The following FAT3 variants were observed in gnomAD, a reference collection of about 807,000 sequenced individuals.
FAT3 encodes the protein FAT atypical cadherin 3.
A neutral mutation model predicts 310.2 loss-of-function variants in FAT3; 95 were observed. That is an observed-to-expected ratio of 0.31 (90% confidence interval 0.26 to 0.36). The LOEUF is 0.36. FAT3 is among the 10% of genes least tolerant of loss of function. FAT3 has a pLI of 1.00. For missense variants in FAT3, 5,408 were observed against 5,715.6 expected (o/e 0.95, Z 1.74); for synonymous variants, 2,314 against 2,192.9 (o/e 1.06, Z -1.54).
At chr11:92,533,844 T>C (rs958060719) in intron 3 of FAT3, among the ~76,000 whole-genome samples, 12 of 152,118 alleles carry the variant, frequency 7.9e-5, no homozygotes, top group Non-Finnish European at 1.6e-4. Flanking sequence ...GGGGCTCAGC[T>C]GCATGGTGTA....
intron 22 of FAT3, among the ~76,000 whole-genome samples, chr11:92,872,314 C>T (rs879577203): frequency 4.6e-5 from 7 of 152,138 alleles, no homozygotes; most frequent in Non-Finnish European, 8.8e-5. Flanking sequence ...TCTCTGTGAC[C>T]AATGGATGCC....
chr11:92,657,919 C>T (rs1415601971), intron 3 of FAT3, among the ~76,000 whole-genome samples: 1 of 151,948 alleles, frequency 6.6e-6, no homozygotes, highest in East Asian at 1.9e-4. Flanking sequence ...TTATATAGAC[C>T]AGCGCTGTTC....
chr11:92,525,440 T>G (rs1953829179), intron 3 of FAT3, among the ~76,000 whole-genome samples: 1 of 152,218 alleles, frequency 6.6e-6, no homozygotes, highest in Admixed American at 6.5e-5. Flanking sequence ...GTGTCTCAAT[T>G]TTTACATAAA....
chr11:92,881,207 C>G (rs1355060107), intron 23 of FAT3, among the ~76,000 whole-genome samples: 1 of 152,196 alleles, frequency 6.6e-6, no homozygotes. Context: ...AATTCGGAGG[C>G]AGACATACTA....
At chr11:92,242,944 GA>G (rs983043921) in intron 1 of FAT3, among the ~76,000 whole-genome samples, 3 of 150,716 alleles carry the variant, frequency 2.0e-5, no homozygotes, top group Non-Finnish European at 4.4e-5. Context: ...GTGTTCCAGG[GA>G]AAAAAATGTG....
At chr11:92,367,075 A>G (rs1196630863) in intron 2 of FAT3, 2 of 469,298 alleles carry the variant, frequency 4.3e-6, no homozygotes, top group Middle Eastern at 7.8e-4. Context: ...TCTCTTCTGC[A>G]CTGAGGTGAA....
chr11:92,487,818 A>G (rs1290541506), intron 2 of FAT3, among the ~76,000 whole-genome samples: 1 of 152,174 alleles, frequency 6.6e-6, no homozygotes, highest in African/African-American at 2.4e-5. Flanking sequence ...CATAGTCTGG[A>G]CTAGTGATTC....
At chr11:92,533,133 A>T (rs1378922818) in intron 3 of FAT3, among the ~76,000 whole-genome samples, 1 of 152,126 alleles carries the variant, frequency 6.6e-6, no homozygotes, top group Non-Finnish European at 1.5e-5. Flanking sequence ...TCCTGGACTC[A>T]AGCAATTCTC....
chr11:92,254,979 T>C (rs1399575636), intron 1 of FAT3, among the ~76,000 whole-genome samples: 1 of 152,198 alleles, frequency 6.6e-6, no homozygotes, highest in Non-Finnish European at 1.5e-5. Context: ...GTGCTGGGAT[T>C]ACAGGTGTGA....
chr11:92,589,149 G>A (rs574224501), intron 3 of FAT3, among the ~76,000 whole-genome samples: 3 of 152,108 alleles, frequency 2.0e-5, no homozygotes, highest in East Asian at 3.9e-4. Context: ...CCATGTTCCA[G>A]CTAATAAAAA....
Position 92,836,711 on chromosome 11 carries a change from A to T in FAT3, c.10224+8A>T, listed in dbSNP as rs1378354194. 1.9e-6 allele frequency: 3 copies of T among 1,610,936 alleles called. No individual in the cohort carries two copies. The highest frequency in any genetic ancestry group is 1.7e-6 in the Non-Finnish European group (2 of 1,178,494). On this transcript the variant is annotated splice_region_variant and intron_variant, in intron 16 of 27. Transcript: ENST00000525166. ...AAATTGGACCGGGAACGGGTAAGCT[A>T]GTTTAGGACAGTTTCCTTCCCATCC...
intron 1 of FAT3, among the ~76,000 whole-genome samples, chr11:92,239,437 G>A (rs1446578447): frequency 2.0e-5 from 3 of 152,108 alleles, no homozygotes; most frequent in African/African-American, 7.2e-5. Flanking sequence ...CATCTCCTGA[G>A]TCAACAGTGC....
chr11:92,495,051 A>G (rs532696311), intron 2 of FAT3, among the ~76,000 whole-genome samples: 1 of 152,180 alleles, frequency 6.6e-6, no homozygotes, highest in East Asian at 1.9e-4. Context: ...ATCAACAACC[A>G]TGTAGCGTGG....
Position 92,834,917 on chromosome 11 carries a change from T to G in FAT3, c.9919T>G (p.Phe3307Val). 1.2e-6 allele frequency: 2 copies of G among 1,612,818 alleles called. No individual in the cohort carries two copies. The highest frequency in any genetic ancestry group is 1.7e-5 in the Admixed American group (1 of 59,900). Residue 3307 changes from phenylalanine (F) to valine (V), a missense_variant, in exon 15 of 28, where the codon TTT becomes GTT. Transcript: ENST00000525166. ...CCTGGACTATGAATTATGCAAAAGG[T>G]TTTACCTGGTAGTGGAAGCCAAAGA... ...EVLDYELCKR[F>V]YLVVEAKDGG...
chr11:92,762,034 G>C lies in FAT3; in HGVS notation c.3848G>C (p.Arg1283Thr), dbSNP rs1283563207. ...EPIYRAFAFD[R>T]DEGPNAEISY... ...ATTTACAGGGCTTTTGCATTTGATA[G>C]AGATGAGGGCCCCAACGCAGAAATC... Residue 1283 changes from arginine (R) to threonine (T), a missense_variant, in exon 5 of 28, where the codon AGA becomes ACA. Around this residue, in one of 5 missense-constraint regions of FAT3, gnomAD observed 4,588 missense variants for 4,809.8 expected, o/e 0.95. Transcript: ENST00000525166. The C allele has an allele frequency of 6.2e-7, 1 of 1,613,988 alleles. No homozygotes were observed. The highest frequency in any genetic ancestry group is 8.5e-7 in the Non-Finnish European group (1 of 1,179,884).
intron 1 of FAT3, among the ~76,000 whole-genome samples, chr11:92,252,381 G>A (rs1329577858): frequency 6.6e-6 from 1 of 152,022 alleles, no homozygotes; most frequent in Non-Finnish European, 1.5e-5. Context: ...TTTTGTTTGT[G>A]TGCATCTCGA....
intron 1 of FAT3, among the ~76,000 whole-genome samples, chr11:92,342,107 G>T (rs966245127): frequency 2.0e-5 from 3 of 152,190 alleles, no homozygotes; most frequent in African/African-American, 4.8e-5. Flanking sequence ...TCTAGGGCAA[G>T]AACTGGTCCC....
chr11:92,547,990 G>A (rs985100973), intron 3 of FAT3, among the ~76,000 whole-genome samples: 1 of 152,032 alleles, frequency 6.6e-6, no homozygotes, highest in Non-Finnish European at 1.5e-5. Context: ...AGACATCTTC[G>A]GCCTTGGCTG....
chr11:92,470,091 C>A (rs953016229), intron 2 of FAT3, among the ~76,000 whole-genome samples: 1 of 152,192 alleles, frequency 6.6e-6, no homozygotes, highest in African/African-American at 2.4e-5. Flanking sequence ...CACACTGATA[C>A]TGTGTGATTA....
Sources: allele counts gnomAD v4.1 joint callset (sites outside exome capture counted in the v4.1 genomes callset), GRCh38; gene constraint gnomAD v4.1.1; regional missense constraint gnomAD v4.1.1; transcripts MANE v1.5; gene names NCBI Gene and HGNC (gene_info 2026-07-23, HGNC 2026-07-21).